Variants in PDE1C observed in about 807,000 individuals in gnomAD.
PDE1C encodes phosphodiesterase 1C, also known as dual specificity calcium/calmodulin-dependent 3',5'-cyclic nucleotide phosphodiesterase 1C.
PDE1C carries 62 observed loss-of-function variants against 93.1 expected under a neutral mutation model. The observed-to-expected ratio is 0.67, with a 90% CI of 0.54 to 0.82. The LOEUF (loss-of-function observed/expected upper bound fraction) is 0.82, where lower values mean the gene tolerates loss of function less well. PDE1C is among the 40% of genes least tolerant of loss of function. The pLI, the probability that PDE1C is intolerant of heterozygous loss-of-function variation, is 0.00. For synonymous variants in PDE1C, 325 were observed against 310.1 expected (o/e 1.05, Z -0.50); for missense variants, 742 against 884.6 (o/e 0.84, Z 2.04).
chr7:31,957,988 T>C (rs1808384776), intron 2 of PDE1C, among the ~76,000 whole-genome samples: 4 of 152,202 alleles, frequency 2.6e-5, no homozygotes, highest in Admixed American at 2.6e-4. Flanking sequence ...AATGTACCAG[T>C]GAGCAGTTGG....
intron 1 of PDE1C, among the ~76,000 whole-genome samples, chr7:32,321,156 C>T (rs1403637082): frequency 6.6e-6 from 1 of 152,168 alleles, no homozygotes; most frequent in Non-Finnish European, 1.5e-5. Context: ...TTACACCAAC[C>T]TCAATAACTA....
the PDE1C span, among the ~76,000 whole-genome samples, chr7:31,683,892 G>GGAA: frequency 3.0e-4 from 45 of 152,292 alleles, no homozygotes; most frequent in Middle Eastern, 3.4e-3. Context: ...TTTAAAGCTA[G>GGAA]TTACCATCAG....
intron 2 of PDE1C, among the ~76,000 whole-genome samples, chr7:31,910,569 T>C (rs540499162): frequency 6.6e-6 from 1 of 152,348 alleles, no homozygotes; most frequent in African/African-American, 2.4e-5. Flanking sequence ...AGGAAACTAA[T>C]GAACATGATT....
At chr7:31,676,800 C>T in the PDE1C span, among the ~76,000 whole-genome samples, 2 of 151,840 alleles carry the variant, frequency 1.3e-5, no homozygotes, top group African/African-American at 4.8e-5. Context: ...ATTCATTAGC[C>T]AGCCTAATGA....
rs1172486655 is a variant in PDE1C at position 32,147,655 on chromosome 7, T to C, written c.308+22130A>G. Among the ~76,000 whole-genome samples the C allele has an allele frequency of 1.3e-5, 2 of 152,128 alleles. 1 individual carries two copies. The highest frequency in any genetic ancestry group is 2.9e-5 in the Non-Finnish European group (2 of 68,024). On this transcript the variant is annotated intron_variant, in intron 3 of 18. Coordinates refer to the PDE1C transcript ENST00000396193. ...CATTTTAGCCAAAACAATCCCTCCT[T>C]GTGCTGGACTCTCCTTCCATTTTAG...
the PDE1C span, among the ~76,000 whole-genome samples, chr7:31,620,399 C>T: frequency 6.6e-6 from 1 of 151,988 alleles, no homozygotes; most frequent in South Asian, 2.1e-4. Flanking sequence ...CCGGGTACTC[C>T]TCTGAGACAA....
chr7:32,266,490 A>G (rs923429694), intron 1 of PDE1C, among the ~76,000 whole-genome samples: 3 of 149,820 alleles, frequency 2.0e-5, no homozygotes, highest in African/African-American at 7.5e-5. Flanking sequence ...ACAGAGTGAG[A>G]CTCCGTCAAA....
chr7:32,230,152 G>A (rs916698812), intron 1 of PDE1C, among the ~76,000 whole-genome samples: 4 of 152,268 alleles, frequency 2.6e-5, no homozygotes, highest in East Asian at 3.9e-4. Context: ...CAAGGCAATC[G>A]TCATCCACCT....
At position 32,029,238 on chromosome 7, in the gene PDE1C, C is replaced by A. The variant is rs76813875; in HGVS notation, c.128+22316G>T. 4.8e-5 allele frequency among the ~76,000 whole-genome samples: 3 copies of A among 62,566 alleles called. No homozygotes were observed. The East Asian group carries it at 1.4e-3, about 29-fold the overall frequency. 41.0% of individuals were successfully genotyped at this position (62,566 alleles called of 152,430 possible). A position where few individuals can be genotyped will look rare whatever the true frequency, so the allele number is the denominator to read the frequency against. On this transcript the variant is annotated intron_variant, in intron 2 of 17. Coordinates refer to ENST00000396191, the MANE Select transcript of PDE1C (RefSeq NM_001191057.4). Reference sequence around the variant, plus strand: ...AAAGGAAATCCTTATACATTGTTGGCAGGAATGTAAATTAGTACAGTACAG... The same window carrying A: ...AAAGGAAATCCTTATACATTGTTGGAAGGAATGTAAATTAGTACAGTACAG...
At chr7:32,036,626 A>G (rs1563229840) in intron 2 of PDE1C, among the ~76,000 whole-genome samples, 1 of 152,182 alleles carries the variant, frequency 6.6e-6, no homozygotes, top group Non-Finnish European at 1.5e-5. Flanking sequence ...CCGAATGAAA[A>G]AGAGATATTG....
At chr7:31,710,554 T>C in the PDE1C span, among the ~76,000 whole-genome samples, 1 of 152,228 alleles carries the variant, frequency 6.6e-6, no homozygotes, top group African/African-American at 2.4e-5. Flanking sequence ...CAGGTTGTTT[T>C]CTTAAAACAA....
chr7:32,389,373 C>T (rs1032640299), intron 1 of PDE1C, among the ~76,000 whole-genome samples: 9 of 152,160 alleles, frequency 5.9e-5, no homozygotes, highest in East Asian at 1.9e-4. Flanking sequence ...TGTGCCACCA[C>T]GCTCGACTAA....
intron 2 of PDE1C, among the ~76,000 whole-genome samples, chr7:31,895,991 T>TTGCATACATACA (rs1554399949): frequency 6.7e-6 from 1 of 148,486 alleles, no homozygotes; most frequent in East Asian, 2.0e-4. Flanking sequence ...ACACTCTCCC[T>TTGCATACATACA]TACATACATA....
chr7:32,365,433 G>C (rs1006855405), intron 1 of PDE1C, among the ~76,000 whole-genome samples: 1 of 152,126 alleles, frequency 6.6e-6, no homozygotes, highest in Admixed American at 6.5e-5. Flanking sequence ...GGCCAGCCAA[G>C]TACTGTGAGA....
intron 1 of PDE1C, among the ~76,000 whole-genome samples, chr7:32,348,356 CTTTTTTTT>C (rs59148183): frequency 3.5e-5 from 2 of 57,314 alleles, no homozygotes; most frequent in Admixed American, 5.7e-4. Context: ...AACAAATGTG[CTTTTTTTT>C]TTTTTTTTTT....
chr7:31,869,099 G>C (rs1222122239), intron 6 of PDE1C, among the ~76,000 whole-genome samples: 4 of 151,846 alleles, frequency 2.6e-5, no homozygotes, highest in Non-Finnish European at 5.9e-5. Flanking sequence ...AATGCAAAAG[G>C]AAAAAACTCA....
At chr7:32,339,079 C>T (rs1783691321) in intron 1 of PDE1C, among the ~76,000 whole-genome samples, 1 of 150,542 alleles carries the variant, frequency 6.6e-6, no homozygotes, top group South Asian at 2.1e-4. Flanking sequence ...TATTCATCAA[C>T]AAACAGAAAA....
At chr7:31,772,675 A>C (rs1333420654) in intron 17 of PDE1C, among the ~76,000 whole-genome samples, 1 of 152,196 alleles carries the variant, frequency 6.6e-6, no homozygotes, top group Non-Finnish European at 1.5e-5. Flanking sequence ...ATTCACAGCA[A>C]ATGTTTTCAT....
At chr7:32,217,028 GA>G (rs1489592795) in intron 1 of PDE1C, among the ~76,000 whole-genome samples, 1 of 152,248 alleles carries the variant, frequency 6.6e-6, no homozygotes, top group African/African-American at 2.4e-5. Context: ...GCTCTTTGTT[GA>G]GGTGGGCAAA....
Sources: allele counts gnomAD v4.1 joint callset (sites outside exome capture counted in the v4.1 genomes callset), GRCh38; gene constraint gnomAD v4.1.1; transcripts MANE v1.5; gene names NCBI Gene and HGNC (gene_info 2026-07-23, HGNC 2026-07-21).